The following DLGAP3 variants were observed in gnomAD, a reference collection of about 807,000 sequenced individuals.
DLGAP3 encodes the protein disks large-associated protein 3.
Under a neutral mutation model 81.2 loss-of-function variants are expected in DLGAP3, and 17 were observed. The observed-to-expected ratio is 0.21, with a 90% CI of 0.14 to 0.31. The LOEUF is 0.31. Among genes scored for constraint, DLGAP3 ranks in the 10% least tolerant of loss-of-function variants. The probability of loss-of-function intolerance (pLI) is 1.00; values close to 1 mark genes in which losing one functional copy is unlikely to be tolerated. For missense variants in DLGAP3, 1,124 were observed against 1,388.0 expected, an observed-to-expected ratio of 0.81 and a Z score of 3.02; for synonymous variants, 577 against 587.4, an observed-to-expected ratio of 0.98 and a Z score of 0.26.
intron 5 of DLGAP3, among the ~76,000 whole-genome samples, chr1:34,899,243 T>C (rs1639419688): frequency 6.6e-6 from 1 of 152,306 alleles, no homozygotes; most frequent in East Asian, 1.9e-4. Flanking sequence ...TAATTTTTTA[T>C]ATTTTTAGTA....
rs866901927 is a variant in DLGAP3, at chr1:34,885,764, G to C, written c.1628C>G (p.Pro543Arg). Residue 543 changes from proline to arginine, a missense_variant, in exon 7 of 12, where the codon CCC (proline) becomes CGC (arginine). By Grantham distance (103) the Pro-to-Arg change is moderately radical. Coordinates refer to ENST00000373347, the MANE Select transcript of DLGAP3 (RefSeq NM_001080418.3). ...CGGGGCCTGGCTTCCCGGCGGGATGGGGGGCGGGGCCTTTCTGAAGTTGAA... is the reference window on the plus strand; with the variant it reads ...CGGGGCCTGGCTTCCCGGCGGGATGCGGGGCGGGGCCTTTCTGAAGTTGAA... ...SSFNFRKAPP[P>R]IPPGSQAPPR... 7 of 1,411,286 alleles carry C rather than the reference G, an allele frequency of 5.0e-6. No individual in the cohort carries two copies. The highest frequency in any genetic ancestry group is 3.0e-5 in the African/African-American group (2 of 67,034). 87.4% of individuals were successfully genotyped at this position (1,411,286 alleles called of 1,614,324 possible).
At position 34,900,250 on chromosome 1, in the gene DLGAP3, AC is replaced by A; in HGVS notation, c.1130del (p.Gly377ValfsTer91). ...YLQVPQDDWG[G>X]YPTGGKDGEI... ...CCCCATCCTTGCCACCGGTGGGGTA[AC>A]CCCCCCAGTCATCTTGCGGCACCTG... On this transcript the variant is annotated frameshift_variant, in exon 4 of 12. Coordinates refer to ENST00000373347, the MANE Select transcript of DLGAP3 (RefSeq NM_001080418.3). LOFTEE classifies it high-confidence loss of function. The surrounding 1 kb of genome is among the most constrained non-coding windows in gnomAD (Gnocchi z 5.6). 3 of 1,613,210 alleles carry A rather than the reference AC, an allele frequency of 1.9e-6. No individual in the cohort carries two copies. The highest frequency in any genetic ancestry group is 8.5e-7 in the Non-Finnish European group (1 of 1,179,840).
chr1:34,897,763 A>G (rs540037751), intron 5 of DLGAP3, among the ~76,000 whole-genome samples: 5 of 152,344 alleles, frequency 3.3e-5, no homozygotes, highest in Admixed American at 1.3e-4. Context: ...AGACAAAAGG[A>G]CATGGTGCCT....
At chr1:34,879,696 A>T (rs950937753) in intron 8 of DLGAP3, among the ~76,000 whole-genome samples, 1 of 152,072 alleles carries the variant, frequency 6.6e-6, no homozygotes, top group African/African-American at 2.4e-5. Context: ...AAAAAAAAAA[A>T]TTATTCTAAA....
chr1:34,892,217 C>T (rs921192449), intron 5 of DLGAP3, among the ~76,000 whole-genome samples: 13 of 152,094 alleles, frequency 8.5e-5, no homozygotes, highest in Admixed American at 6.5e-5. Flanking sequence ...AGTAGGGTAA[C>T]TGAAATTAAA....
At chr1:34,920,327 G>T (rs903772082) in intron 1 of DLGAP3, among the ~76,000 whole-genome samples, 2 of 152,110 alleles carry the variant, frequency 1.3e-5, no homozygotes, top group Non-Finnish European at 2.9e-5. Flanking sequence ...CAGCCTGGCT[G>T]GCAGGAATGA....
At chr1:34,869,248 G>A (rs113280388) in intron 8 of DLGAP3, among the ~76,000 whole-genome samples, 159 bp from the exon 9 acceptor site, 4 of 152,258 alleles carry the variant, frequency 2.6e-5, no homozygotes, top group Non-Finnish European at 4.4e-5. Context: ...CAACAGCTAC[G>A]TACATAATAT....
At position 34,878,681 on chromosome 1, in the gene DLGAP3, A is replaced by G. The variant is rs1200503396; in HGVS notation, c.2000+6297T>C. 2.0e-5 allele frequency among the ~76,000 whole-genome samples: 3 copies of G among 152,352 alleles called. 1 individual carries two copies. The South Asian group carries it at 6.2e-4, about 32-fold the overall frequency. ...GATAGATCAAATGTACAAAAAAAAG[A>G]TAAACATTTGAAAAATATAATTTAT... On this transcript the variant is annotated intron_variant, in intron 8 of 11. Transcript: ENST00000373347.
Position 34,902,883 on chromosome 1 carries a change from G to C in DLGAP3, c.1107+1394C>G, listed in dbSNP as rs1358328642. On this transcript the variant is annotated intron_variant, in intron 3 of 11. Transcript: ENST00000373347. The surrounding 1 kb of genome is among the most constrained non-coding windows in gnomAD (Gnocchi z 4.4). Reference sequence around the variant, plus strand: ...AAGTCTTCAGGGATGGCAAGGAATCGGCTATGGGGGAGAAAGGATGGGTGC... The same window carrying C: ...AAGTCTTCAGGGATGGCAAGGAATCCGCTATGGGGGAGAAAGGATGGGTGC... Among the ~76,000 whole-genome samples the C allele has an allele frequency of 6.6e-5, 10 of 152,226 alleles. No homozygotes were observed. Among genetic ancestry groups the C allele is most frequent in the African/African-American group, 2.2e-4 (9 of 41,530 alleles).
chr1:34,913,687 C>T (rs942330548), intron 1 of DLGAP3, among the ~76,000 whole-genome samples: 1 of 152,150 alleles, frequency 6.6e-6, no homozygotes, highest in African/African-American at 2.4e-5. Flanking sequence ...TAGAACAATG[C>T]CTGCCACTAA....
At chr1:34,885,213 G>C in intron 7 of DLGAP3, 150 bp from the exon 8 acceptor site, 1 of 849,738 alleles carries the variant, frequency 1.2e-6, no homozygotes, top group Non-Finnish European at 1.9e-6. Flanking sequence ...CCAGGCGGTC[G>C]GTCACAGGCC....
intron 8 of DLGAP3, among the ~76,000 whole-genome samples, chr1:34,884,682 C>T (rs1019528405): frequency 1.3e-5 from 2 of 152,148 alleles, no homozygotes; most frequent in African/African-American, 2.4e-5. Flanking sequence ...GAGGCCTGCT[C>T]GGCACCTACA....
rs1033590032 is a variant in DLGAP3 at position 34,874,763 on chromosome 1, C to G, written c.2001-5674G>C. 4.0e-5 allele frequency among the ~76,000 whole-genome samples: 6 copies of G among 150,040 alleles called. No homozygotes were observed. In the South Asian group the frequency reaches 8.6e-4, roughly 21 times the overall value. ...CAAGAGACACAGTATCCAAGGAAAGCTCTATATCCAGAAGTTGTCAAGAGG... is the reference window on the plus strand; with the variant it reads ...CAAGAGACACAGTATCCAAGGAAAGGTCTATATCCAGAAGTTGTCAAGAGG... On this transcript the variant is annotated intron_variant, in intron 8 of 11. Coordinates refer to ENST00000373347, the MANE Select transcript of DLGAP3 (RefSeq NM_001080418.3).
At position 34,885,639 on chromosome 1, in the gene DLGAP3, G is replaced by C; in HGVS notation, c.1753C>G (p.Leu585Val). ...CGCGCACCCATGGCGGGGCCGTCCA[G>C]CCCGTCGGCGGAGCTGCAGCGCCGG... is the stretch of plus-strand genomic sequence containing the variant. ...PARRCSSADG[L>V]DGPAMGARTL... Residue 585 changes from leucine to valine, a missense_variant, in exon 7 of 12, where the codon CTG becomes GTG. This residue lies in a region of DLGAP3 where 379 missense variants were observed against 455.7 expected (regional missense o/e 0.83). Coordinates refer to ENST00000373347, the MANE Select transcript of DLGAP3 (RefSeq NM_001080418.3). The C allele has an allele frequency of 6.7e-7, 1 of 1,491,884 alleles. No individual in the cohort carries two copies. The highest frequency in any genetic ancestry group is 8.9e-7 in the Non-Finnish European group (1 of 1,126,102). 92.4% of individuals were successfully genotyped at this position (1,491,884 alleles called of 1,614,324 possible). A position where few individuals can be genotyped will look rare whatever the true frequency, so the allele number is the denominator to read the frequency against.
At chr1:34,911,890 C>T (rs76233470) in intron 1 of DLGAP3, among the ~76,000 whole-genome samples, 2,654 of 152,282 alleles carry the variant, frequency 0.017, 70 homozygotes, top group African/African-American at 0.061. Context: ...CACCAGGGCC[C>T]TGCCCAGCCA....
At chr1:34,885,445 C>A in intron 7 of DLGAP3, 33 bp downstream of exon 7, 1 of 1,601,760 alleles carries the variant, frequency 6.2e-7, no homozygotes, top group South Asian at 1.1e-5. Context: ...CGACCAGGGT[C>A]AGAGCCCTCG....
intron 1 of DLGAP3, among the ~76,000 whole-genome samples, chr1:34,910,183 G>A (rs1233993697): frequency 1.4e-4 from 21 of 152,158 alleles, no homozygotes; most frequent in Admixed American, 1.4e-3. Context: ...ATTAACAGTT[G>A]CTTTACTCCA....
intron 5 of DLGAP3, among the ~76,000 whole-genome samples, chr1:34,899,169 C>T (rs1028144960): frequency 2.0e-5 from 3 of 151,728 alleles, no homozygotes; most frequent in East Asian, 1.9e-4. Flanking sequence ...GGCTCATTCT[C>T]GCCATTCTCC....
chr1:34,913,151 AAAGG>A (rs1192626099), intron 1 of DLGAP3, among the ~76,000 whole-genome samples: 2 of 152,240 alleles, frequency 1.3e-5, no homozygotes, highest in African/African-American at 4.8e-5. Flanking sequence ...GGGGGAACAG[AAAGG>A]AAGGAGGAAG....
Sources: gnomAD v4.1 joint callset for allele counts (sites outside exome capture counted in the v4.1 genomes callset) on GRCh38, gnomAD v4.1.1 for gene constraint, gnomAD v4.1.1 regional missense constraint, Gnocchi (gnomAD v3.1) non-coding constraint, MANE v1.5 for transcripts, NCBI Gene and HGNC (gene_info 2026-07-23, HGNC 2026-07-21) for gene names.